ZNF254: variants seen among roughly 807,000 people sequenced by gnomAD.
ZNF254 encodes CTD-2017D11.1.
Under a neutral mutation model 12.4 loss-of-function variants are expected in ZNF254, and 10 were observed. The ratio of observed to expected loss-of-function variants is 0.80; its 90% CI spans 0.50 to 1.36. The LOEUF (loss-of-function observed/expected upper bound fraction) is 1.36, where lower values mean the gene tolerates loss of function less well. Among genes scored for constraint, ZNF254 ranks in the 40% most tolerant of loss-of-function variants. ZNF254 has a pLI of 0.00. For missense variants in ZNF254, 996 were observed against 763.9 expected (o/e 1.30, Z -3.58); for synonymous variants, 305 against 253.4 (o/e 1.20, Z -1.93).
At chr19:24,066,149 A>T (rs1971261369) in intron 2 of ZNF254, 1 of 151,950 alleles carries the variant, frequency 6.6e-6, no homozygotes, top group South Asian at 2.1e-4. Context: ...CATCCAGGAG[A>T]TGTGACTCTC....
chr19:24,087,458 C>T (rs1019995261), intron 1 of ZNF254, 121 bp downstream of exon 1: 1 of 1,250,344 alleles, frequency 8.0e-7, no homozygotes, highest in Non-Finnish European at 1.2e-6. Flanking sequence ...CCCAGCTCGA[C>T]CTCAGTCCCC....
At chr19:24,110,116 A>G (rs1973577154) in intron 3 of ZNF254, among the ~76,000 whole-genome samples, 4 of 152,176 alleles carry the variant, frequency 2.6e-5, no homozygotes, top group African/African-American at 9.7e-5. Flanking sequence ...TTAATGATAA[A>G]TATGTATTTT....
rs961315207 is a variant in ZNF254, at chr19:24,120,136, CAAAA to C, written c.254-6117_254-6114del. Among the ~76,000 whole-genome samples, 5 of 152,204 alleles carry C rather than the reference CAAAA, an allele frequency of 3.3e-5. No homozygotes were observed. In the East Asian group the frequency reaches 5.8e-4, roughly 18 times the overall value. ...AAGGCATGTCTCACATGGTGGCAGA[CAAAA>C]GAAAGAGCTTGCGCAGGAAAACTGC... On this transcript the variant is annotated intron_variant, in intron 3 of 3. Transcript: ENST00000357002.
chr19:24,043,188 A>G (rs1339111248), intron 1 of ZNF254, among the ~76,000 whole-genome samples: 3 of 152,134 alleles, frequency 2.0e-5, no homozygotes, highest in African/African-American at 7.2e-5. Flanking sequence ...TTTCAGAGAA[A>G]GAGAACAAAA....
chr19:24,062,228 C>T (rs1448202257), intron 2 of ZNF254, among the ~76,000 whole-genome samples: 1 of 152,100 alleles, frequency 6.6e-6, no homozygotes, highest in East Asian at 1.9e-4. Context: ...CCATAGGACC[C>T]AGCAAACAGG....
At chr19:24,100,446 A>G (rs1490456501) in intron 1 of ZNF254, among the ~76,000 whole-genome samples, 3 of 151,634 alleles carry the variant, frequency 2.0e-5, no homozygotes, top group Non-Finnish European at 4.4e-5. Flanking sequence ...CTTTTTACTT[A>G]TAAAACTCAG....
At chr19:24,079,696 A>G (rs969713482) in intron 2 of ZNF254, 3 of 152,166 alleles carry the variant, frequency 2.0e-5, no homozygotes, top group African/African-American at 7.2e-5. Context: ...AAAACAATGC[A>G]TTTTGGGGAC....
intron 1 of ZNF254, among the ~76,000 whole-genome samples, chr19:24,092,327 G>A (rs1260850511): frequency 6.6e-6 from 1 of 150,956 alleles, no homozygotes; most frequent in Non-Finnish European, 1.5e-5. Flanking sequence ...CCACCACCAT[G>A]CCCAGCTAAT....
At chr19:24,121,315 G>C (rs530810373) in intron 3 of ZNF254, among the ~76,000 whole-genome samples, 1 of 151,374 alleles carries the variant, frequency 6.6e-6, no homozygotes, top group African/African-American at 2.4e-5. Context: ...TGTCTAATAA[G>C]TTTTACATTC....
chr19:24,100,373 T>G (rs1972940539), intron 1 of ZNF254, among the ~76,000 whole-genome samples: 1 of 147,900 alleles, frequency 6.8e-6, no homozygotes, highest in South Asian at 2.1e-4. Context: ...ATTCTAAATC[T>G]AGGTCTTGAA....
intron 1 of ZNF254, among the ~76,000 whole-genome samples, chr19:24,096,600 T>C (rs930926290): frequency 6.6e-6 from 1 of 152,212 alleles, no homozygotes; most frequent in African/African-American, 2.4e-5. Context: ...TTTTTGAGTA[T>C]GTGCCACATG....
intron 2 of ZNF254, among the ~76,000 whole-genome samples, chr19:24,048,368 C>T (rs1425793419): frequency 6.6e-6 from 1 of 152,248 alleles, no homozygotes; most frequent in Non-Finnish European, 1.5e-5. Context: ...TGGTGGGCTT[C>T]TGCCTCCGCC....
rs140779250 is a variant in ZNF254, at chr19:24,126,271, G to A, written c.271G>A (p.Ala91Thr). The change falls in exon 4 of 4, where the codon GCT becomes ACT. Residue 91 changes from alanine (A) to threonine (T), a missense_variant. Ala to Thr is a moderately conservative substitution (Grantham distance 58). Coordinates refer to ENST00000357002, the MANE Select transcript of ZNF254 (RefSeq NM_203282.4). ...DEPPGMCPHF[A>T]QDLWPEQGME... is the part of the protein sequence containing the mutation. ...TTTTTCAGGTATGTGTCCTCATTTT[G>A]CTCAAGACCTTTGGCCAGAGCAGGG... 6.0e-6 allele frequency: 9 copies of A among 1,491,330 alleles called. No homozygotes were observed. Among genetic ancestry groups the A allele is most frequent in the African/African-American group, 2.8e-5 (2 of 70,398 alleles). 92.4% of individuals were successfully genotyped at this position (1,491,330 alleles called of 1,614,324 possible). A position where few individuals can be genotyped will look rare whatever the true frequency, so the allele number is the denominator to read the frequency against.
intron 1 of ZNF254, among the ~76,000 whole-genome samples, chr19:24,103,179 A>G (rs1973133281): frequency 6.6e-6 from 1 of 152,206 alleles, no homozygotes; most frequent in Non-Finnish European, 1.5e-5. Flanking sequence ...ATACTTTAAG[A>G]TAGAGAATGG....
At chr19:24,093,830 T>C (rs889051166) in intron 1 of ZNF254, among the ~76,000 whole-genome samples, 3 of 152,210 alleles carry the variant, frequency 2.0e-5, no homozygotes, top group African/African-American at 7.2e-5. Flanking sequence ...AAAAATATTT[T>C]GGTCATTTGA....
At chr19:24,037,725 T>G (rs1428343225) in intron 1 of ZNF254, among the ~76,000 whole-genome samples, 1 of 152,234 alleles carries the variant, frequency 6.6e-6, no homozygotes, top group Non-Finnish European at 1.5e-5. Flanking sequence ...TTCTCCTGCC[T>G]TAACCTCCTG....
chr19:24,107,139 T>C (rs1973396153), intron 3 of ZNF254: 1 of 549,324 alleles, frequency 1.8e-6, no homozygotes. Context: ...CAAAGTAGGA[T>C]GTCCTTCTGC....
intron 3 of ZNF254, among the ~76,000 whole-genome samples, chr19:24,116,144 C>CATCCTATTTTTAAAGGGAAAT (rs1555768525): frequency 2.0e-5 from 3 of 151,120 alleles, no homozygotes; most frequent in Non-Finnish European, 3.0e-5. Flanking sequence ...TCCTTCGTTT[C>CATCCTATTTTTAAAGGGAAAT]AACTTTGGTC....
At chr19:24,053,381 T>G (rs1229780452) in intron 2 of ZNF254, among the ~76,000 whole-genome samples, 1 of 152,230 alleles carries the variant, frequency 6.6e-6, no homozygotes, top group African/African-American at 2.4e-5. Flanking sequence ...TCGACCTTAA[T>G]TCAGGTGTGT....
Sources: allele counts gnomAD v4.1 joint callset (sites outside exome capture counted in the v4.1 genomes callset), GRCh38; gene constraint gnomAD v4.1.1; transcripts MANE v1.5; gene names NCBI Gene and HGNC (gene_info 2026-07-23, HGNC 2026-07-21).